Variants in FRMD8 observed in about 807,000 individuals in gnomAD.
FRMD8 encodes the protein FERM domain containing 8, also known as FERM domain-containing protein 8.
In FRMD8, 37 loss-of-function variants were observed where a neutral mutation model predicts 54.2. The ratio of observed to expected loss-of-function variants is 0.68; its 90% CI spans 0.53 to 0.90. FRMD8 has a LOEUF of 0.90. Among genes scored for constraint, FRMD8 ranks in the 40% least tolerant of loss-of-function variants. The pLI, the probability that FRMD8 is intolerant of heterozygous loss-of-function variation, is 0.00. For synonymous variants in FRMD8, 246 were observed against 286.9 expected (o/e 0.86, Z 1.44); for missense variants, 585 against 653.7 (o/e 0.89, Z 1.15).
At chr11:65,387,278 G>C (rs547115606) in intron 2 of FRMD8, 157 bp downstream of exon 2, 6 of 746,492 alleles carry the variant, frequency 8.0e-6, no homozygotes, top group Non-Finnish European at 1.4e-5. Flanking sequence ...GAAGTCAGAG[G>C]CTCTGTCACT....
rs753927854 is a variant in FRMD8, at chr11:65,404,887, T to C, written c.1095T>C (p.Ile365=). 13 of 1,613,008 alleles carry C rather than the reference T, an allele frequency of 8.1e-6. No individual in the cohort carries two copies. The African/African-American group carries it at 1.2e-4, about 15-fold the overall frequency. Reference sequence around the variant, plus strand: ...AGGCCGAACTGATGAGCAGTCTCATTGAGTACTGCATCGAACTGAGCCAGG... The same window carrying C: ...AGGCCGAACTGATGAGCAGTCTCATCGAGTACTGCATCGAACTGAGCCAGG... ...SKQAELMSSL[I]EYCIELSQAA... The change falls in exon 10 of 11, where the codon ATT becomes ATC. Residue 365 remains isoleucine (I), a synonymous_variant. Transcript: ENST00000317568. This position sits in a 1 kb window ranked among gnomAD's most constrained non-coding sequence, Gnocchi z 4.7.
the FRMD8 span, chr11:65,379,619 T>C: frequency 6.6e-7 from 1 of 1,514,622 alleles, no homozygotes; most frequent in South Asian, 1.3e-5. Context: ...CTTTGTCCTC[T>C]CCACCCCTGG....
chr11:65,411,515 C>T lies in FRMD8; in HGVS notation c.*155C>T. On this transcript the variant is annotated 3_prime_UTR_variant, in exon 11 of 11. Coordinates refer to ENST00000317568, the MANE Select transcript of FRMD8 (RefSeq NM_031904.5). ...AGACCACGGAGAAGTGACTTTTGGG[C>T]CCGGGGCCATGCCCGGGCTGTGCAA... 1 of 542,388 alleles carries T rather than the reference C, an allele frequency of 1.8e-6. No individual in the cohort carries two copies. Among genetic ancestry groups the T allele is most frequent in the Non-Finnish European group, 3.2e-6 (1 of 309,380 alleles). The allele number at this position is 542,388 out of a possible 1,614,324, so 33.6% of individuals were successfully genotyped here. A position where few individuals can be genotyped will look rare whatever the true frequency, so the allele number is the denominator to read the frequency against.
chr11:65,396,157 G>A (rs954481771), intron 6 of FRMD8, among the ~76,000 whole-genome samples: 6 of 152,198 alleles, frequency 3.9e-5, no homozygotes, highest in East Asian at 1.9e-4. Context: ...GGGTGGACAC[G>A]TGGTAACCAA....
intron 10 of FRMD8, among the ~76,000 whole-genome samples, chr11:65,410,449 C>G (rs989078127): frequency 6.6e-6 from 1 of 150,506 alleles, no homozygotes; most frequent in South Asian, 2.1e-4. Context: ...GAGCCAAGAT[C>G]GTGCCATTGC....
chr11:65,377,148 G>C, the FRMD8 span: 2 of 1,530,852 alleles, frequency 1.3e-6, no homozygotes, highest in Non-Finnish European at 1.8e-6. Context: ...ATTCACAAGA[G>C]GAAGGAGGCA....
At chr11:65,371,894 A>G in the FRMD8 span, among the ~76,000 whole-genome samples, 233 of 151,398 alleles carry the variant, frequency 1.5e-3, 1 homozygote, top group African/African-American at 5.0e-3. Context: ...GATTACAGGC[A>G]TGAGCCACGA....
At position 65,399,752 on chromosome 11, in the gene FRMD8, G is replaced by A. The variant is rs759847556; in HGVS notation, c.820G>A (p.Gly274Ser). 23 of 1,613,912 alleles carry A rather than the reference G, an allele frequency of 1.4e-5. No homozygotes were observed. The highest frequency in any genetic ancestry group is 1.6e-4 in the Middle Eastern group (1 of 6,082). Residue 274 changes from glycine to serine, a missense_variant, in exon 8 of 11, where the codon GGT becomes AGT. Gly to Ser is a moderately conservative substitution (Grantham distance 56). Coordinates refer to ENST00000317568, the MANE Select transcript of FRMD8 (RefSeq NM_031904.5). The part of the protein sequence containing the change: ...LPFYGCAFFH[G>S]EVDKPAQGFL... ...CCTCCCCAGGTGTGCCTTCTTCCACGGTGAGGTTGACAAGCCGGCCCAAGG... is the reference window on the plus strand; with the variant it reads ...CCTCCCCAGGTGTGCCTTCTTCCACAGTGAGGTTGACAAGCCGGCCCAAGG...
intron 6 of FRMD8, 27 bp downstream of exon 6, chr11:65,394,452 G>T: frequency 6.5e-7 from 1 of 1,548,778 alleles, no homozygotes; most frequent in Non-Finnish European, 8.7e-7. Flanking sequence ...CTTGAGGCGG[G>T]GGCGCTGGGT....
chr11:65,398,543 C>T (rs1454911434), intron 7 of FRMD8, among the ~76,000 whole-genome samples: 3 of 152,216 alleles, frequency 2.0e-5, no homozygotes, highest in African/African-American at 4.8e-5. Context: ...GCGCATGCCC[C>T]GCTTGTCCTC....
At chr11:65,402,932 C>A (rs1308649310) in intron 9 of FRMD8, among the ~76,000 whole-genome samples, 2 of 151,790 alleles carry the variant, frequency 1.3e-5, no homozygotes, top group African/African-American at 4.8e-5. Flanking sequence ...AACACTCTTG[C>A]TCTGTCACCG....
At chr11:65,409,041 G>T (rs917722610) in intron 10 of FRMD8, among the ~76,000 whole-genome samples, 1 of 151,904 alleles carries the variant, frequency 6.6e-6, no homozygotes, top group Non-Finnish European at 1.5e-5. Flanking sequence ...TAATCATTCC[G>T]AGCCAAAGGG....
At chr11:65,380,153 T>G in the FRMD8 span, 4 of 1,613,988 alleles carry the variant, frequency 2.5e-6, no homozygotes, top group African/African-American at 5.3e-5. Context: ...CAAACGGGTG[T>G]CCCAGGACCA....
At chr11:65,379,807 A>G in the FRMD8 span, 10 of 1,588,854 alleles carry the variant, frequency 6.3e-6, 1 homozygote, top group Non-Finnish European at 8.6e-6. Flanking sequence ...GGAAGCTGGT[A>G]CCAACAGCCC....
chr11:65,400,318 G>T lies in FRMD8; in HGVS notation c.928-406G>T, dbSNP rs1485933626. On this transcript the variant is annotated intron_variant, in intron 8 of 10. Transcript: ENST00000317568. The surrounding 1 kb of genome is among the most constrained non-coding windows in gnomAD (Gnocchi z 4.3). ...GAAATTTGCTCCTAAGCCAGCAGAA[G>T]AGTTTTGGCTGGCTTCTGGTTGTCC... Among the ~76,000 whole-genome samples, 2 of 152,216 alleles carry T rather than the reference G, an allele frequency of 1.3e-5. No individual in the cohort carries two copies. The highest frequency in any genetic ancestry group is 1.3e-4 in the Admixed American group (2 of 15,286).
At chr11:65,371,616 T>C in the FRMD8 span, among the ~76,000 whole-genome samples, 1 of 152,174 alleles carries the variant, frequency 6.6e-6, no homozygotes, top group African/African-American at 2.4e-5. Context: ...AACATCTAGT[T>C]TTGTTTTCTT....
intron 4 of FRMD8, 118 bp downstream of exon 4, chr11:65,393,792 C>T (rs1855889361): frequency 1.1e-6 from 1 of 898,564 alleles, no homozygotes; most frequent in African/African-American, 1.6e-5. Context: ...GCAGGGCCTG[C>T]ATCTCCCCCA....
At chr11:65,406,013 T>A (rs114979455) in intron 10 of FRMD8, among the ~76,000 whole-genome samples, 1,664 of 151,232 alleles carry the variant, frequency 0.011, 25 homozygotes, top group East Asian at 0.09. Flanking sequence ...ATATATATAT[T>A]TTTTTTAATT....
chr11:65,398,520 G>GC (rs1856003551), intron 7 of FRMD8, among the ~76,000 whole-genome samples: 1 of 152,248 alleles, frequency 6.6e-6, no homozygotes, highest in South Asian at 2.1e-4. Flanking sequence ...GGCTCTACCC[G>GC]CAGCAGCTCC....
Sources: allele counts gnomAD v4.1 joint callset (sites outside exome capture counted in the v4.1 genomes callset), GRCh38; gene constraint gnomAD v4.1.1; non-coding constraint Gnocchi (gnomAD v3.1); transcripts MANE v1.5; gene names NCBI Gene and HGNC (gene_info 2026-07-23, HGNC 2026-07-21).